Variants in MICU3 observed in about 807,000 individuals in gnomAD.
MICU3 encodes mitochondrial calcium uptake 3.
Under a neutral mutation model 66.5 loss-of-function variants are expected in MICU3, and 62 were observed. That is an observed-to-expected ratio of 0.93 (90% CI 0.76 to 1.15). MICU3 has a LOEUF of 1.15. Among genes scored for constraint, MICU3 ranks in the 50% most tolerant of loss-of-function variants. The pLI is 0.00. For synonymous variants in MICU3, 308 were observed against 240.7 expected, an observed-to-expected ratio of 1.28 and a Z score of -2.59; for missense variants, 779 against 664.4, an observed-to-expected ratio of 1.17 and a Z score of -1.90.
At chr8:17,114,002 T>C (rs1195594477) in intron 11 of MICU3, 91 bp from the exon 12 acceptor site, 5 of 738,562 alleles carry the variant, frequency 6.8e-6, no homozygotes, top group African/African-American at 3.6e-5. Flanking sequence ...ACATTGCAAA[T>C]GCTTAATCTG....
chr8:17,134,685 C>T, the MICU3 span, among the ~76,000 whole-genome samples: 5 of 152,164 alleles, frequency 3.3e-5, no homozygotes. Flanking sequence ...ACCTCGTGAT[C>T]CGCCCGCCTT....
At chr8:17,096,674 A>T (rs1031311504) in intron 8 of MICU3, among the ~76,000 whole-genome samples, 3 of 151,892 alleles carry the variant, frequency 2.0e-5, no homozygotes, top group Non-Finnish European at 4.4e-5. Flanking sequence ...GCATTGTTTA[A>T]TCCCTGAGGC....
At chr8:17,119,345 T>G (rs927372397) in intron 14 of MICU3, among the ~76,000 whole-genome samples, 2 of 152,290 alleles carry the variant, frequency 1.3e-5, no homozygotes, top group African/African-American at 4.8e-5. Context: ...CAAACTTGTT[T>G]CTAATCTCCA....
chr8:17,055,688 C>G (rs1333983578), intron 1 of MICU3, among the ~76,000 whole-genome samples: 3 of 152,206 alleles, frequency 2.0e-5, no homozygotes, highest in Admixed American at 6.5e-5. Flanking sequence ...GAGTCATCAT[C>G]TGCCTGGGTC....
intron 9 of MICU3, among the ~76,000 whole-genome samples, chr8:17,100,264 A>G (rs954548643): frequency 3.3e-5 from 5 of 151,742 alleles, no homozygotes; most frequent in East Asian, 3.9e-4. Flanking sequence ...GCTGTAATTA[A>G]TCCACACTCT....
chr8:17,092,916 C>T (rs926614797), intron 8 of MICU3, among the ~76,000 whole-genome samples: 4 of 151,930 alleles, frequency 2.6e-5, no homozygotes, highest in African/African-American at 9.7e-5. Flanking sequence ...TTTATAAGAG[C>T]CAGTTTCTAC....
intron 4 of MICU3, 33 bp from the exon 5 acceptor site, chr8:17,081,660 T>TCA (rs1563346405): frequency 4.6e-6 from 3 of 646,120 alleles, no homozygotes; most frequent in Admixed American, 8.1e-5. Context: ...GAACAATATT[T>TCA]TATATATATA....
At position 17,098,419 on chromosome 8, in the gene MICU3, T is replaced by C. The variant is rs201094121; in HGVS notation, c.889-39T>C. The C allele has an allele frequency of 8.0e-4, 970 of 1,205,744 alleles. 4 individuals are homozygous for C. The highest frequency in any genetic ancestry group is 7.6e-3 in the Middle Eastern group (40 of 5,242). 74.7% of individuals were successfully genotyped at this position (1,205,744 alleles called of 1,614,324 possible). A position where few individuals can be genotyped will look rare whatever the true frequency, so the allele number is the denominator to read the frequency against. ...TATAAATTATCATTCTTTGTAACTA[T>C]TCTTTAGATTTCAGTTGTGCTTCTT... On this transcript the variant is annotated intron_variant, in intron 8 of 14. Transcript: ENST00000318063.
At chr8:17,050,393 A>C (rs1815861319) in intron 1 of MICU3, among the ~76,000 whole-genome samples, 1 of 151,984 alleles carries the variant, frequency 6.6e-6, no homozygotes, top group Non-Finnish European at 1.5e-5. Context: ...TACTTTCACT[A>C]CTGTAAAATA....
intron 1 of MICU3, among the ~76,000 whole-genome samples, chr8:17,063,312 G>A (rs941251480): frequency 6.6e-6 from 1 of 151,906 alleles, no homozygotes; most frequent in Non-Finnish European, 1.5e-5. Context: ...AAGCATGTAT[G>A]GTAAAATCCC....
chr8:17,138,081 AT>A, the MICU3 span, among the ~76,000 whole-genome samples: 1 of 152,022 alleles, frequency 6.6e-6, no homozygotes, highest in Non-Finnish European at 1.5e-5. Context: ...GGAGGAAGGA[AT>A]ATTAAGATGG....
chr8:17,076,246 G>C lies in MICU3; in HGVS notation c.568-1537G>C, dbSNP rs1338603348. Among the ~76,000 whole-genome samples, 3 of 151,988 alleles carry C rather than the reference G, an allele frequency of 2.0e-5. No homozygotes were observed. The South Asian group carries it at 6.2e-4, about 32-fold the overall frequency. On this transcript the variant is annotated intron_variant, in intron 3 of 14. Coordinates refer to ENST00000318063, the MANE Select transcript of MICU3 (RefSeq NM_181723.3). ...AATGGGGTTTTGCCATGTTGCCCAG[G>C]CTGGTCTAAAACTCTTGGATTCAAG...
chr8:17,079,938 G>A (rs1383487768), intron 4 of MICU3, among the ~76,000 whole-genome samples: 1 of 152,130 alleles, frequency 6.6e-6, no homozygotes, highest in East Asian at 1.9e-4. Context: ...CAACTGCAAT[G>A]TATTGTGTAT....
chr8:17,037,108 C>T (rs532415301), intron 1 of MICU3, among the ~76,000 whole-genome samples: 1,622 of 152,262 alleles, frequency 0.011, 9 homozygotes, highest in Middle Eastern at 0.027. Context: ...CCGGCTGCTC[C>T]GACTGCGGGG....
intron 1 of MICU3, among the ~76,000 whole-genome samples, chr8:17,051,186 A>G (rs908009440): frequency 2.0e-5 from 3 of 152,178 alleles, no homozygotes; most frequent in Admixed American, 6.5e-5. Flanking sequence ...CAGCTACAGT[A>G]TTAGTACCAC....
intron 1 of MICU3, among the ~76,000 whole-genome samples, chr8:17,047,120 G>T (rs1815222011): frequency 6.6e-6 from 1 of 152,124 alleles, no homozygotes; most frequent in South Asian, 2.1e-4. Context: ...GGTTGAGTCT[G>T]TTACTTAAGT....
At chr8:17,058,537 T>C (rs1817335736) in intron 1 of MICU3, among the ~76,000 whole-genome samples, 1 of 152,222 alleles carries the variant, frequency 6.6e-6, no homozygotes, top group South Asian at 2.1e-4. Context: ...TTGATGTTTT[T>C]TTTTTCTTGA....
At chr8:17,117,801 G>T (rs928693306) in intron 13 of MICU3, among the ~76,000 whole-genome samples, 1 of 151,888 alleles carries the variant, frequency 6.6e-6, no homozygotes, top group Non-Finnish European at 1.5e-5. Context: ...GTAGAGACAG[G>T]GTTTTGCCAT....
intron 1 of MICU3, among the ~76,000 whole-genome samples, chr8:17,061,232 G>A (rs561886935): frequency 1.2e-4 from 18 of 152,300 alleles, no homozygotes; most frequent in Middle Eastern, 3.4e-3. Flanking sequence ...TAGAGGTAAA[G>A]GAGGAGGGAT....
Sources: allele counts gnomAD v4.1 joint callset (sites outside exome capture counted in the v4.1 genomes callset), GRCh38; gene constraint gnomAD v4.1.1; transcripts MANE v1.5; gene names NCBI Gene and HGNC (gene_info 2026-07-23, HGNC 2026-07-21).